The following WRNIP1 variants were observed in gnomAD, a reference collection of about 807,000 sequenced individuals.
WRNIP1 encodes the protein WRN helicase interacting protein 1, also known as ATPase WRNIP1.
WRNIP1 carries 41 observed loss-of-function variants against 56.1 expected under a neutral mutation model. The observed-to-expected ratio is 0.73, with a 90% CI of 0.57 to 0.95. WRNIP1 has a LOEUF of 0.95. Among genes scored for constraint, WRNIP1 ranks in the 40% least tolerant of loss-of-function variants. The pLI, the probability that WRNIP1 is intolerant of heterozygous loss-of-function variation, is 0.00. For missense variants in WRNIP1, 1,170 were observed against 939.4 expected, an observed-to-expected ratio of 1.25 and a Z score of -3.21; for synonymous variants, 547 against 398.1, an observed-to-expected ratio of 1.37 and a Z score of -4.45.
chr6:2,768,002 T>C (rs1005067042), intron 1 of WRNIP1, among the ~76,000 whole-genome samples: 4 of 152,228 alleles, frequency 2.6e-5, no homozygotes, highest in African/African-American at 9.6e-5. Context: ...TCAGTTTTTC[T>C]TCTCATCCTT....
intron 3 of WRNIP1, among the ~76,000 whole-genome samples, chr6:2,776,744 T>C (rs533492767): frequency 6.6e-6 from 1 of 152,320 alleles, no homozygotes; most frequent in Admixed American, 6.5e-5. Context: ...TTTATACTAG[T>C]AAATACCATG....
At chr6:2,767,779 G>A (rs1765090798) in intron 1 of WRNIP1, among the ~76,000 whole-genome samples, 1 of 152,230 alleles carries the variant, frequency 6.6e-6, no homozygotes, top group Non-Finnish European at 1.5e-5. Flanking sequence ...CCAAATGCCA[G>A]GCAAGAGGTT....
intron 4 of WRNIP1, among the ~76,000 whole-genome samples, chr6:2,781,881 C>A (rs1012296763): frequency 1.5e-4 from 23 of 152,186 alleles, no homozygotes; most frequent in African/African-American, 5.3e-4. Context: ...GATGAGAAAC[C>A]TGAGGCACAG....
intron 3 of WRNIP1, among the ~76,000 whole-genome samples, chr6:2,771,199 G>A (rs1765268067): frequency 6.6e-6 from 1 of 152,164 alleles, no homozygotes; most frequent in Non-Finnish European, 1.5e-5. Flanking sequence ...CCAAGTTCTG[G>A]AGCCACTTTT....
At position 2,765,789 on chromosome 6, in the gene WRNIP1, G is replaced by A. The variant is rs1480835697; in HGVS notation, c.167G>A (p.Arg56His). 2 of 1,416,180 alleles carry A rather than the reference G, an allele frequency of 1.4e-6. No individual in the cohort carries two copies. The highest frequency in any genetic ancestry group is 1.8e-6 in the Non-Finnish European group (2 of 1,085,760). The allele number at this position is 1,416,180 out of a possible 1,614,324, so 87.7% of individuals were successfully genotyped here. A position where few individuals can be genotyped will look rare whatever the true frequency, so the allele number is the denominator to read the frequency against. Residue 56 changes from arginine (R) to histidine (H), a missense_variant, in exon 1 of 7, where the codon CGC becomes CAC. Coordinates refer to ENST00000380773, the MANE Select transcript of WRNIP1 (RefSeq NM_020135.3). The stretch of plus-strand genomic sequence containing the variant: ...GCGGAGCCCGCGGCCGGGTCGCACC[G>A]CGCCGGGGAGCGGGCCAAGGGGCCC... ...GHAEPAAGSH[R>H]AGERAKGPSP...
chr6:2,780,301 G>A (rs1765525253), intron 4 of WRNIP1, among the ~76,000 whole-genome samples: 1 of 152,288 alleles, frequency 6.6e-6, no homozygotes, highest in East Asian at 1.9e-4. Context: ...CTGATCTCAC[G>A]TAGGCTGTGC....
At chr6:2,770,430 AAGGGCCGGGCGTCAG>A in intron 3 of WRNIP1, 69 bp downstream of exon 3, 1 of 1,591,280 alleles carries the variant, frequency 6.3e-7, no homozygotes, top group Non-Finnish European at 8.6e-7. Flanking sequence ...GGGGGCCAGA[AAGGGCCGGGCGTCAG>A]TGAGGAGAGG....
chr6:2,766,224 G>C lies in WRNIP1; in HGVS notation c.602G>C (p.Gly201Ala). The stretch of plus-strand genomic sequence containing the variant: ...GCTGCCGAAGCCGCCACCGCCTTCG[G>C]GGCCAGTGGCGGGGGCCGCCCGCAC... Reference protein sequence around the residue: ...ADAAEAATAFGASGGGRPHPR... With the variant: ...ADAAEAATAFAASGGGRPHPR... Residue 201 changes from glycine to alanine, a missense_variant, in exon 1 of 7, where the codon GGG becomes GCG. Physicochemically the swap from Gly to Ala is moderately conservative, Grantham distance 60 (BLOSUM62 0). Transcript: ENST00000380773. 2.7e-6 allele frequency: 4 copies of C among 1,489,684 alleles called. No homozygotes were observed. Among genetic ancestry groups the C allele is most frequent in the Non-Finnish European group, 2.7e-6 (3 of 1,117,418 alleles). The allele number at this position is 1,489,684 out of a possible 1,614,324, so 92.3% of individuals were successfully genotyped here. A position where few individuals can be genotyped will look rare whatever the true frequency, so the allele number is the denominator to read the frequency against.
chr6:2,780,033 C>T (rs748871095), intron 4 of WRNIP1, among the ~76,000 whole-genome samples: 7 of 152,160 alleles, frequency 4.6e-5, no homozygotes, highest in Non-Finnish European at 8.8e-5. Flanking sequence ...TTTTGTAGAA[C>T]TGCATTTACA....
intron 5 of WRNIP1, 37 bp downstream of exon 5, chr6:2,783,598 A>G: frequency 1.9e-6 from 2 of 1,028,642 alleles, no homozygotes; most frequent in East Asian, 7.6e-5. Flanking sequence ...TCCTATGTCC[A>G]TGAGGGTGGG....
rs374688284 is a variant in WRNIP1 at position 2,779,272 on chromosome 6, G to T, written c.1266G>T (p.Met422Ile). ...CCTGCTTGTGTTTCAGGCCCGCCAT[G>T]TTCATAGAGGATAAAGCAGTAGACA... is the stretch of plus-strand genomic sequence containing the variant. ...HSSNSSSEPAMFIEDKAVDTL... is the reference protein window; with the variant it reads ...HSSNSSSEPAIFIEDKAVDTL... Residue 422 changes from methionine to isoleucine, a missense_variant, in exon 4 of 7, where the codon ATG becomes ATT. Coordinates refer to ENST00000380773, the MANE Select transcript of WRNIP1 (RefSeq NM_020135.3). 1 of 1,614,200 alleles carries T rather than the reference G, an allele frequency of 6.2e-7. No homozygotes were observed.
chr6:2,781,547 C>A (rs928015824), intron 4 of WRNIP1, among the ~76,000 whole-genome samples: 1 of 152,204 alleles, frequency 6.6e-6, no homozygotes, highest in Non-Finnish European at 1.5e-5. Flanking sequence ...GACCCACCCC[C>A]AGAGTTGTGA....
rs1395909072 is a variant in WRNIP1, at chr6:2,768,704, A to T, written c.836A>T (p.His279Leu). ...CATCTTTTCTAGACCACTCTGGCTC[A>T]CATCATAGCCAGCAACAGCAAGAAA... ...PPGCGKTTLA[H>L]IIASNSKKHS... The change falls in exon 2 of 7, where the codon CAC (histidine) becomes CTC (leucine). Residue 279 changes from histidine to leucine, a missense_variant. By Grantham distance (99) the His-to-Leu change is moderately conservative. Coordinates refer to ENST00000380773, the MANE Select transcript of WRNIP1 (RefSeq NM_020135.3). 1.2e-6 allele frequency: 2 copies of T among 1,610,128 alleles called. No homozygotes were observed. Among genetic ancestry groups the T allele is most frequent in the African/African-American group, 2.7e-5 (2 of 74,730 alleles).
intron 4 of WRNIP1, among the ~76,000 whole-genome samples, chr6:2,780,314 C>T (rs1288891138): frequency 2.0e-5 from 3 of 152,160 alleles, no homozygotes; most frequent in South Asian, 2.1e-4. Context: ...GGCTGTGCCA[C>T]GTGACAATGG....
chr6:2,773,896 A>C (rs909213367), intron 3 of WRNIP1: 2 of 985,180 alleles, frequency 2.0e-6, no homozygotes, highest in Non-Finnish European at 1.2e-6. Flanking sequence ...GGAAGACAGA[A>C]AGTGGCGTCT....
In WRNIP1 at chr6:2,765,637, G is replaced by A. The variant is rs765932108; in HGVS notation, c.15G>A (p.Gly5=). Residue 5 remains glycine, a synonymous_variant, in exon 1 of 7, where the codon GGG becomes GGA. Coordinates refer to ENST00000380773, the MANE Select transcript of WRNIP1 (RefSeq NM_020135.3). MEVS[G]PEDDPFLSQL... is the part of the protein sequence containing the mutation. ...CGGCGGCCGCCATGGAGGTGAGCGG[G>A]CCGGAAGACGACCCCTTCCTTTCGC... is the stretch of plus-strand genomic sequence containing the variant. The A allele has an allele frequency of 3.2e-5, 50 of 1,540,530 alleles. No homozygotes were observed. Among genetic ancestry groups the A allele is most frequent in the Middle Eastern group, 4.1e-4 (2 of 4,836 alleles).
At chr6:2,770,401 C>T (rs768521105) in intron 3 of WRNIP1, 40 bp downstream of exon 3, 48 of 1,606,444 alleles carry the variant, frequency 3.0e-5, no homozygotes, top group Non-Finnish European at 4.0e-5. Context: ...GCACACACCT[C>T]CCAGAGAGTC....
At chr6:2,768,559 G>A in intron 1 of WRNIP1, 132 bp from the exon 2 acceptor site, 1 of 604,850 alleles carries the variant, frequency 1.7e-6, no homozygotes, top group Non-Finnish European at 2.7e-6. Flanking sequence ...GATTGTTTCT[G>A]TGCTGCTCAG....
chr6:2,775,179 G>A (rs976918499), intron 3 of WRNIP1, among the ~76,000 whole-genome samples: 3 of 152,228 alleles, frequency 2.0e-5, no homozygotes, highest in Non-Finnish European at 4.4e-5. Context: ...GAGGTGCCAA[G>A]TTTACAGAGG....
Sources: allele counts gnomAD v4.1 joint callset (sites outside exome capture counted in the v4.1 genomes callset), GRCh38; gene constraint gnomAD v4.1.1; transcripts MANE v1.5; gene names NCBI Gene and HGNC (gene_info 2026-07-23, HGNC 2026-07-21).